The following CDK12 variants were observed in gnomAD, a reference collection of about 807,000 sequenced individuals.
CDK12 encodes cyclin-dependent kinase 12.
Under a neutral mutation model 133.8 loss-of-function variants are expected in CDK12, and 17 were observed. The ratio of observed to expected loss-of-function variants is 0.13; its 90% CI spans 0.09 to 0.19. The LOEUF (loss-of-function observed/expected upper bound fraction) is 0.19. Ranked by LOEUF, CDK12 falls within the 10% of genes least tolerant of loss-of-function variation. The pLI, the probability that CDK12 is intolerant of heterozygous loss-of-function variation, is 1.00. For synonymous variants in CDK12, 694 were observed against 683.6 expected, an observed-to-expected ratio of 1.02 and a Z score of -0.24; for missense variants, 1,508 against 1,818.7, an observed-to-expected ratio of 0.83 and a Z score of 3.11.
chr17:39,496,093 A>G (rs955269565), intron 5 of CDK12, among the ~76,000 whole-genome samples: 1 of 151,760 alleles, frequency 6.6e-6, no homozygotes, highest in Non-Finnish European at 1.5e-5. Context: ...TATAATTTTA[A>G]TAGAGACCGG....
At chr17:39,503,014 G>A (rs1377202466) in intron 6 of CDK12, among the ~76,000 whole-genome samples, 3 of 152,200 alleles carry the variant, frequency 2.0e-5, no homozygotes, top group East Asian at 1.9e-4. Context: ...AGGAGGTAGA[G>A]GTTACAGTGA....
At chr17:39,485,117 C>CT (rs2051010352) in intron 2 of CDK12, among the ~76,000 whole-genome samples, 1 of 148,014 alleles carries the variant, frequency 6.8e-6, no homozygotes, top group Non-Finnish European at 1.5e-5. Context: ...TTGCAGTGAG[C>CT]TGAGATCGCG....
chr17:39,520,243 TG>T (rs1763267402), intron 11 of CDK12, among the ~76,000 whole-genome samples, 156 bp downstream of exon 11: 1 of 152,198 alleles, frequency 6.6e-6, no homozygotes, highest in South Asian at 2.1e-4. Flanking sequence ...TTATCTTTGT[TG>T]TTTTTTTCTT....
chr17:39,522,266 T>C (rs2054221234), intron 11 of CDK12, among the ~76,000 whole-genome samples: 1 of 151,964 alleles, frequency 6.6e-6, no homozygotes, highest in Non-Finnish European at 1.5e-5. Flanking sequence ...TTTGTATTTT[T>C]AGTAGAAACA....
chr17:39,549,362 GCTT>G (rs1008744037), upstream of CDK12: 1 of 152,294 alleles, frequency 6.6e-6, no homozygotes, highest in Non-Finnish European at 1.5e-5. Flanking sequence ...CTACAGCTCT[GCTT>G]CTTCTTTTTG....
At chr17:39,534,751 A>C (rs1326733955), downstream of CDK12, 2 of 180,286 alleles carry the variant, frequency 1.1e-5, no homozygotes, top group African/African-American at 4.7e-5. Context: ...AGAATAAATG[A>C]GTTGGGAAAA....
intron 5 of CDK12, among the ~76,000 whole-genome samples, chr17:39,500,956 G>T (rs1017323740): frequency 6.6e-6 from 1 of 151,306 alleles, no homozygotes; most frequent in Non-Finnish European, 1.5e-5. Flanking sequence ...GGTTGGTCTC[G>T]AACTCCTGAC....
In CDK12 at chr17:39,471,794, C is replaced by T. The variant is rs776430754; in HGVS notation, c.1931+31C>T. ...TCCTATAGTGAACTGGAAAAAACCC[C>T]CTTGATCTAAACATAAAGCATTTTC... On this transcript the variant is annotated intron_variant, in intron 2 of 13. Transcript: ENST00000447079. The T allele has an allele frequency of 1.5e-5, 24 of 1,550,276 alleles. No homozygotes were observed. In the Admixed American group the frequency reaches 4.6e-4, roughly 30 times the overall value.
intron 6 of CDK12, among the ~76,000 whole-genome samples, chr17:39,509,115 GC>G (rs1462156518): frequency 2.0e-5 from 3 of 151,988 alleles, no homozygotes; most frequent in African/African-American, 7.2e-5. Context: ...TGTTAGAAAT[GC>G]AGATTCATGA....
Position 39,531,183 on chromosome 17 carries a change from C to T in CDK12, c.4340C>T (p.Thr1447Ile), listed in dbSNP as rs767287779. 3 of 1,522,458 alleles carry T rather than the reference C, an allele frequency of 2.0e-6. No homozygotes were observed. Among genetic ancestry groups the T allele is most frequent in the South Asian group, 2.6e-5 (2 of 75,550 alleles). The allele number at this position is 1,522,458 out of a possible 1,614,324, so 94.3% of individuals were successfully genotyped here. Reference protein sequence around the residue: ...LQNYGELGPGTTGASSSGAGL... With the variant: ...LQNYGELGPGITGASSSGAGL... ...AACTATGGGGAGCTGGGGCCAGGAA[C>T]CACTGGGGCCAGCAGCTCAGGAGCA... Residue 1447 changes from threonine (T) to isoleucine (I), a missense_variant, in exon 14 of 14, where the codon ACC becomes ATC. Thr to Ile is a moderately conservative substitution (Grantham distance 89). Transcript: ENST00000447079.
intron 2 of CDK12, among the ~76,000 whole-genome samples, chr17:39,483,273 T>C (rs2050865637): frequency 6.6e-6 from 1 of 152,028 alleles, no homozygotes; most frequent in Admixed American, 6.6e-5. Flanking sequence ...CTTTTCTTTT[T>C]TTTTTTTAAG....
intron 11 of CDK12, among the ~76,000 whole-genome samples, 157 bp from the exon 12 acceptor site, chr17:39,524,517 G>A (rs1199901063): frequency 6.6e-6 from 1 of 152,110 alleles, no homozygotes; most frequent in African/African-American, 2.4e-5. Context: ...ATTTTACACT[G>A]CTGTTACCTA....
chr17:39,478,669 AT>A (rs1359789044), intron 2 of CDK12, among the ~76,000 whole-genome samples: 1 of 152,132 alleles, frequency 6.6e-6, no homozygotes, highest in Non-Finnish European at 1.5e-5. Flanking sequence ...TGTTTCTACC[AT>A]TAAACAAGAA....
intron 1 of CDK12, chr17:39,550,584 A>G (rs1333446760): frequency 1.3e-5 from 2 of 152,206 alleles, no homozygotes; most frequent in African/African-American, 4.8e-5. Context: ...AGAACCAGAG[A>G]CTATGGAGAG....
At chr17:39,546,594 C>A (rs1160495162), upstream of CDK12, 1 of 152,244 alleles carries the variant, frequency 6.6e-6, no homozygotes, top group Non-Finnish European at 1.5e-5. Flanking sequence ...TACCTCTAAT[C>A]AGCTTCTTCA....
chr17:39,508,454 C>T (rs2053273022), intron 6 of CDK12, among the ~76,000 whole-genome samples: 1 of 152,042 alleles, frequency 6.6e-6, no homozygotes, highest in Non-Finnish European at 1.5e-5. Flanking sequence ...ATTGCCCACC[C>T]CCTCCAATAA....
At position 39,499,856 on chromosome 17, in the gene CDK12, G is replaced by T. The variant is rs558137297; in HGVS notation, c.2420-1394G>T. Among the ~76,000 whole-genome samples the T allele has an allele frequency of 2.6e-5, 4 of 152,222 alleles. No individual in the cohort carries two copies. In the South Asian group the frequency reaches 6.2e-4, roughly 24 times the overall value. On this transcript the variant is annotated intron_variant, in intron 5 of 13. Transcript: ENST00000447079. The stretch of plus-strand genomic sequence containing the variant: ...TAATAATTTATAACACATTTATTAT[G>T]ATGTCCCTGGCGTATTGAGTCCCAT...
At chr17:39,465,013 C>T (rs991629041) in intron 1 of CDK12, among the ~76,000 whole-genome samples, 2 of 151,244 alleles carry the variant, frequency 1.3e-5, no homozygotes, top group Non-Finnish European at 2.9e-5. Context: ...TTTGGGAGGC[C>T]GAGGTGGGCG....
chr17:39,490,716 A>G lies in CDK12; in HGVS notation c.2091A>G (p.Pro697=), dbSNP rs1386669441. Residue 697 remains proline (P), a synonymous_variant, in exon 3 of 14, where the codon CCA becomes CCG. Transcript: ENST00000447079. ...AGGCAATCACACCACCTCAGCAACC[A>G]TATAAAAAGAGACCAAAGTGAGTTT... is the stretch of plus-strand genomic sequence containing the variant. ...EPKAITPPQQ[P]YKKRPKICCP... is the part of the protein sequence containing the mutation. 2 of 1,601,238 alleles carry G rather than the reference A, an allele frequency of 1.2e-6. No individual in the cohort carries two copies. Among genetic ancestry groups the G allele is most frequent in the South Asian group, 2.2e-5 (2 of 89,462 alleles).
Sources: gnomAD v4.1 joint callset for allele counts (sites outside exome capture counted in the v4.1 genomes callset) on GRCh38, gnomAD v4.1.1 for gene constraint, MANE v1.5 for transcripts, NCBI Gene and HGNC (gene_info 2026-07-23, HGNC 2026-07-21) for gene names.